Variants in ADGRV1 observed in about 807,000 individuals in gnomAD.
ADGRV1 encodes G-protein coupled receptor 98.
Under a neutral mutation model 596.2 loss-of-function variants are expected in ADGRV1, and 359 were observed. The observed-to-expected ratio is 0.60, with a 90% CI of 0.55 to 0.66. The LOEUF (loss-of-function observed/expected upper bound fraction) is 0.66, where lower values mean the gene tolerates loss of function less well. Ranked by LOEUF, ADGRV1 falls within the 30% of genes least tolerant of loss-of-function variation. ADGRV1 has a pLI of 0.00. For missense variants in ADGRV1, 7,274 were observed against 7,575.6 expected (o/e 0.96, Z 1.48); for synonymous variants, 2,681 against 2,679.2 (o/e 1.00, Z -0.02).
chr5:90,684,279 T>C (rs1580725942), intron 28 of ADGRV1, 84 bp downstream of exon 28: 1 of 1,284,304 alleles, frequency 7.8e-7, no homozygotes, highest in African/African-American at 1.5e-5. Context: ...TAATAGAAAA[T>C]TCTATAAAAA....
rs779339039 is a variant in ADGRV1, at chr5:90,692,677, A to G, written c.7024A>G (p.Ile2342Val). 6.2e-7 allele frequency: 1 copy of G among 1,611,092 alleles called. No homozygotes were observed. The highest frequency in any genetic ancestry group is 8.5e-7 in the Non-Finnish European group (1 of 1,178,626). ...GTTAGATCGAATTGCAAATATTATT[A>G]TTCCTGCCAATGATGATCCTTATGG... ...IGLDRIANII[I>V]PANDDPYGTV... The change falls in exon 32 of 90, where the codon ATT becomes GTT. Residue 2342 changes from isoleucine to valine, a missense_variant. Around this residue, in one of 5 missense-constraint regions of ADGRV1, gnomAD observed 3,643 missense variants for 3,809.2 expected, o/e 0.96. Transcript: ENST00000405460.
rs199701878 is a variant in ADGRV1, at chr5:90,629,278, G to T, written c.1578G>T (p.Gln526His). 1.5e-5 allele frequency: 24 copies of T among 1,612,748 alleles called. 1 individual carries two copies. The highest frequency in any genetic ancestry group is 3.3e-5 in the Admixed American group (2 of 59,832). The change falls in exon 9 of 90, where the codon CAG (glutamine) becomes CAT (histidine). Residue 526 changes from glutamine (Q) to histidine (H), a missense_variant. Gln to His is a conservative substitution (Grantham distance 24). Transcript: ENST00000405460. ...GLITFFPMEN[Q>H]KIESSPGERY... ...TAACATTTTTTCCTATGGAAAACCA[G>T]AAGATTGAAAGCAGCCCAGGTGAAC...
At chr5:90,916,071 G>C (rs537038185) in intron 83 of ADGRV1, among the ~76,000 whole-genome samples, 10 of 152,168 alleles carry the variant, frequency 6.6e-5, no homozygotes, top group Admixed American at 5.9e-4. Context: ...GAATTGGAGA[G>C]ATAGGAAGGA....
At chr5:90,683,031 C>T (rs1401920289) in intron 27 of ADGRV1, among the ~76,000 whole-genome samples, 1 of 151,942 alleles carries the variant, frequency 6.6e-6, no homozygotes, top group Non-Finnish European at 1.5e-5. Flanking sequence ...AAATATATAC[C>T]ATTTTTGCAG....
chr5:90,669,411 A>T (rs1049876685), intron 21 of ADGRV1, among the ~76,000 whole-genome samples: 8 of 152,210 alleles, frequency 5.3e-5, no homozygotes, highest in African/African-American at 1.9e-4. Context: ...AATGAGAAAC[A>T]CAGAACTTAT....
At chr5:90,995,265 T>G (rs1781319233) in intron 85 of ADGRV1, among the ~76,000 whole-genome samples, 1 of 152,222 alleles carries the variant, frequency 6.6e-6, no homozygotes, top group Non-Finnish European at 1.5e-5. Context: ...ATAGATTTTT[T>G]GCATTGGCTG....
chr5:91,006,540 A>G (rs915552602), intron 85 of ADGRV1, among the ~76,000 whole-genome samples: 3 of 152,138 alleles, frequency 2.0e-5, no homozygotes, highest in Non-Finnish European at 4.4e-5. Context: ...TCAATTAGTA[A>G]GATGTTCTAT....
At chr5:90,869,107 G>GA (rs1293282661) in intron 83 of ADGRV1, among the ~76,000 whole-genome samples, 18 of 151,946 alleles carry the variant, frequency 1.2e-4, no homozygotes, top group Non-Finnish European at 2.6e-4. Context: ...TATATACAGA[G>GA]AAAAAAATCT....
rs1212894794 is a variant in ADGRV1 at position 90,763,083 on chromosome 5, C to T, written c.12121-222C>T. ...CTCTGGGTCAGAATTCAGTCACATG[C>T]TCTACCTAATTGCAAGAGAAGACAG... On this transcript the variant is annotated intron_variant, in intron 58 of 89. Transcript: ENST00000405460. The T allele has an allele frequency of 1.1e-5, 5 of 443,900 alleles. No homozygotes were observed. In the East Asian group the frequency reaches 1.7e-4, roughly 15 times the overall value. 27.5% of individuals were successfully genotyped at this position (443,900 alleles called of 1,614,324 possible). A position where few individuals can be genotyped will look rare whatever the true frequency, so the allele number is the denominator to read the frequency against.
intron 83 of ADGRV1, among the ~76,000 whole-genome samples, chr5:90,878,480 C>T (rs1769428926): frequency 6.6e-6 from 1 of 152,218 alleles, no homozygotes; most frequent in Non-Finnish European, 1.5e-5. Context: ...TAGAACACCA[C>T]TAGAATGCTG....
At chr5:90,737,491 C>T (rs1397975121) in intron 50 of ADGRV1, among the ~76,000 whole-genome samples, 3 of 151,924 alleles carry the variant, frequency 2.0e-5, no homozygotes, top group Admixed American at 6.6e-5. Context: ...TATTGATGTG[C>T]TGTCTAGATA....
chr5:90,641,177 A>G (rs534113438), intron 11 of ADGRV1, among the ~76,000 whole-genome samples: 1 of 152,352 alleles, frequency 6.6e-6, no homozygotes, highest in East Asian at 1.9e-4. Flanking sequence ...GTAGGTCCAC[A>G]TAACCTCAAG....
chr5:91,010,251 A>C (rs1313713421), intron 85 of ADGRV1, among the ~76,000 whole-genome samples: 1 of 152,138 alleles, frequency 6.6e-6, no homozygotes, highest in African/African-American at 2.4e-5. Flanking sequence ...ATTTCTGAGA[A>C]GCAGTAGTTT....
At chr5:91,138,797 A>G (rs960854376) in intron 87 of ADGRV1, among the ~76,000 whole-genome samples, 1 of 145,520 alleles carries the variant, frequency 6.9e-6, no homozygotes, top group African/African-American at 2.6e-5. Flanking sequence ...TTTTAAATGG[A>G]GACTCACTCT....
intron 1 of ADGRV1, among the ~76,000 whole-genome samples, chr5:90,593,232 A>C (rs542859839): frequency 1.3e-3 from 193 of 152,360 alleles, no homozygotes; most frequent in African/African-American, 4.6e-3. Flanking sequence ...CTGGATTAAG[A>C]AAATGTGGCA....
intron 34 of ADGRV1, among the ~76,000 whole-genome samples, chr5:90,701,794 T>C (rs915696378): frequency 7.9e-5 from 12 of 151,954 alleles, no homozygotes; most frequent in Non-Finnish European, 1.5e-4. Context: ...TTTTTACTTT[T>C]ACCTAAAAAT....
chr5:91,130,473 G>A (rs541108412), intron 87 of ADGRV1, among the ~76,000 whole-genome samples: 1 of 125,664 alleles, frequency 8.0e-6, no homozygotes, highest in East Asian at 2.5e-4. Flanking sequence ...AGTGAGCCGA[G>A]ATTGTGCCAT....
At chr5:90,685,357 C>A (rs1213523252) in intron 28 of ADGRV1, among the ~76,000 whole-genome samples, 1 of 151,996 alleles carries the variant, frequency 6.6e-6, no homozygotes, top group Admixed American at 6.6e-5. Flanking sequence ...CCGAGGCAGG[C>A]AGATTGCCTG....
chr5:90,722,073 A>G (rs969876370), intron 45 of ADGRV1, among the ~76,000 whole-genome samples: 2 of 152,322 alleles, frequency 1.3e-5, no homozygotes, highest in African/African-American at 4.8e-5. Context: ...GAGAGTTACC[A>G]TATGTAATGT....
Sources: gnomAD v4.1 joint callset for allele counts (sites outside exome capture counted in the v4.1 genomes callset) on GRCh38, gnomAD v4.1.1 for gene constraint, gnomAD v4.1.1 regional missense constraint, MANE v1.5 for transcripts, NCBI Gene and HGNC (gene_info 2026-07-23, HGNC 2026-07-21) for gene names.